Variants in MMD2 observed in about 807,000 individuals in gnomAD.
MMD2 encodes monocyte to macrophage differentiation factor 2.
Under a neutral mutation model 33.5 loss-of-function variants are expected in MMD2, and 30 were observed. The observed-to-expected ratio is 0.90, with a 90% CI of 0.67 to 1.22. The LOEUF is 1.22. Among genes scored for constraint, MMD2 ranks in the 50% most tolerant of loss-of-function variants. The pLI is 0.00. For missense variants in MMD2, 364 were observed against 325.4 expected (o/e 1.12, Z -0.91); for synonymous variants, 129 against 123.0 (o/e 1.05, Z -0.32).
At chr7:4,927,477 G>A (rs1785463182) in intron 1 of MMD2, among the ~76,000 whole-genome samples, 1 of 151,950 alleles carries the variant, frequency 6.6e-6, no homozygotes, top group African/African-American at 2.4e-5. Context: ...GGAGGTGGAG[G>A]TTGCAGTGAG....
intron 1 of MMD2, among the ~76,000 whole-genome samples, chr7:4,930,825 A>G (rs772305853): frequency 2.6e-5 from 4 of 152,022 alleles, no homozygotes; most frequent in African/African-American, 7.2e-5. Context: ...ACACAGGTGC[A>G]TGTCGTGCTT....
chr7:4,929,524 T>C (rs932205424), intron 1 of MMD2, among the ~76,000 whole-genome samples: 1 of 151,760 alleles, frequency 6.6e-6, no homozygotes, highest in African/African-American at 2.4e-5. Flanking sequence ...TTTTTTGAGA[T>C]GGAGTCTCTT....
chr7:4,942,916 C>T (rs903196262), intron 1 of MMD2, among the ~76,000 whole-genome samples: 1 of 149,574 alleles, frequency 6.7e-6, no homozygotes, highest in African/African-American at 2.5e-5. Context: ...GCGCCAGGCC[C>T]CATCCTGTCT....
chr7:4,920,148 G>T (rs1437667828), intron 3 of MMD2, 23 bp downstream of exon 3: 1 of 1,550,998 alleles, frequency 6.4e-7, no homozygotes, highest in South Asian at 1.2e-5. Context: ...ACCCGGCATG[G>T]GTCCCCTCTG....
At chr7:4,905,144 C>G (rs1014797830), downstream of MMD2, among the ~76,000 whole-genome samples, 1 of 152,000 alleles carries the variant, frequency 6.6e-6, no homozygotes, top group African/African-American at 2.4e-5. This position sits in a 1 kb window ranked among gnomAD's most constrained non-coding sequence, Gnocchi z 5.0. Flanking sequence ...GTGCAGGTGT[C>G]AGACTGAGGA....
At chr7:4,922,251 A>G (rs894375108) in intron 2 of MMD2, among the ~76,000 whole-genome samples, 1 of 151,080 alleles carries the variant, frequency 6.6e-6, no homozygotes, top group Admixed American at 6.6e-5. Context: ...ACTTTCATCA[A>G]TCTTATTACA....
At chr7:4,938,766 T>C (rs943258688) in intron 1 of MMD2, among the ~76,000 whole-genome samples, 2 of 152,236 alleles carry the variant, frequency 1.3e-5, no homozygotes, top group East Asian at 3.8e-4. Flanking sequence ...ATTTTATTTA[T>C]ATTTGTGTGT....
rs1488482132 is a variant in MMD2 at position 4,907,216 on chromosome 7, TG to T, written c.*179del. ...TTTCTCCTCTGTAAGAATGGCTAAA[TG>T]CTTTCTTTCTCGCTGGGGACTCGAG... is the stretch of plus-strand genomic sequence containing the variant. On this transcript the variant is annotated 3_prime_UTR_variant, in exon 7 of 7. Transcript: ENST00000401401. The T allele has an allele frequency of 3.3e-6, 2 of 614,180 alleles. No homozygotes were observed. The highest frequency in any genetic ancestry group is 3.7e-5 in the African/African-American group (2 of 54,070). 38.0% of individuals were successfully genotyped at this position (614,180 alleles called of 1,614,324 possible).
At chr7:4,902,149 A>C (rs576872668), downstream of MMD2, among the ~76,000 whole-genome samples, 29 of 152,142 alleles carry the variant, frequency 1.9e-4, no homozygotes, top group South Asian at 6.0e-3. Flanking sequence ...ATGGGATTTC[A>C]CCATGTTGGT....
chr7:4,905,282 G>GGAA (rs544349900), downstream of MMD2, among the ~76,000 whole-genome samples: 16 of 146,348 alleles, frequency 1.1e-4, no homozygotes, highest in Admixed American at 2.8e-4. This position sits in a 1 kb window ranked among gnomAD's most constrained non-coding sequence, Gnocchi z 5.0. Context: ...AAGAGGAAGA[G>GGAA]GAAGAAGAAG....
the MMD2 span, among the ~76,000 whole-genome samples, chr7:4,900,814 C>A: frequency 0.016 from 2,476 of 152,168 alleles, 133 homozygotes; most frequent in East Asian, 0.2. Context: ...GCTCTTCCTG[C>A]TAGGGTTGAC....
At chr7:4,897,884 C>T in the MMD2 span, among the ~76,000 whole-genome samples, 1 of 152,076 alleles carries the variant, frequency 6.6e-6, no homozygotes, top group East Asian at 1.9e-4. Context: ...ATTACAGGTG[C>T]CCACCACCAT....
At position 4,911,204 on chromosome 7, in the gene MMD2, G is replaced by T. The variant is rs1384695378; in HGVS notation, c.408C>A (p.Arg136=). The T allele has an allele frequency of 6.2e-7, 1 of 1,602,504 alleles. No homozygotes were observed. Among genetic ancestry groups the T allele is most frequent in the African/African-American group, 1.3e-5 (1 of 74,858 alleles). ...RELGPWASHM[R]WLVWIMASVG... Reference sequence around the variant, plus strand: ...CGGAAGCCATAATCCAGACCAGCCAGCGCATGTGGGAGGCCCAGGGGCCCA... The same window carrying T: ...CGGAAGCCATAATCCAGACCAGCCATCGCATGTGGGAGGCCCAGGGGCCCA... Residue 136 remains arginine (R), a synonymous_variant, in exon 5 of 7, where the codon CGC becomes CGA. Transcript: ENST00000401401.
chr7:4,944,578 A>G (rs1273630752), intron 1 of MMD2, among the ~76,000 whole-genome samples: 21 of 152,086 alleles, frequency 1.4e-4, no homozygotes, highest in Admixed American at 1.4e-3. Flanking sequence ...TGGAATGGCC[A>G]TTCTCCACCA....
intron 1 of MMD2, among the ~76,000 whole-genome samples, chr7:4,938,245 G>A (rs1480167617): frequency 2.0e-5 from 3 of 151,784 alleles, no homozygotes; most frequent in African/African-American, 7.3e-5. Context: ...TCCTGACCTC[G>A]TGATCCGCCC....
At chr7:4,931,359 T>A (rs1785582392) in intron 1 of MMD2, among the ~76,000 whole-genome samples, 1 of 150,764 alleles carries the variant, frequency 6.6e-6, no homozygotes, top group Admixed American at 6.6e-5. Flanking sequence ...CACTATGTTG[T>A]CCAGGCTGGT....
intron 4 of MMD2, among the ~76,000 whole-genome samples, chr7:4,912,473 A>G (rs200043811): frequency 6.1e-4 from 87 of 142,684 alleles, no homozygotes; most frequent in Admixed American, 4.8e-4. Flanking sequence ...GAGGCAGGAG[A>G]ATGGCGTGAA....
intron 1 of MMD2, among the ~76,000 whole-genome samples, chr7:4,943,007 T>C (rs1785953466): frequency 3.1e-5 from 2 of 64,800 alleles, no homozygotes; most frequent in Non-Finnish European, 4.8e-5. Flanking sequence ...CCCTTTTCTT[T>C]TTTTTTTTTT....
Position 4,946,699 on chromosome 7 carries a change from G to C in MMD2, c.47+12272C>G, listed in dbSNP as rs926256503. Among the ~76,000 whole-genome samples the C allele has an allele frequency of 2.0e-5, 3 of 152,120 alleles. No homozygotes were observed. The highest frequency in any genetic ancestry group is 4.4e-5 in the Non-Finnish European group (3 of 68,026). ...ACCAGATATCTCCCAGTAAGATGAA[G>C]TACACCATATGGCCTATAATCCTCC... On this transcript the variant is annotated intron_variant, in intron 1 of 6. Transcript: ENST00000401401. The surrounding 1 kb of genome is among the most constrained non-coding windows in gnomAD (Gnocchi z 5.0).
Sources: allele counts gnomAD v4.1 joint callset (sites outside exome capture counted in the v4.1 genomes callset), GRCh38; gene constraint gnomAD v4.1.1; non-coding constraint Gnocchi (gnomAD v3.1); transcripts MANE v1.5; gene names NCBI Gene and HGNC (gene_info 2026-07-23, HGNC 2026-07-21).